Variants in TTC7A observed in about 807,000 individuals in gnomAD.
TTC7A encodes tetratricopeptide repeat protein 7A.
In TTC7A, 110 loss-of-function variants were observed where a neutral mutation model predicts 103.7. That is an observed-to-expected ratio of 1.06 (90% CI 0.91 to 1.24). TTC7A has a LOEUF of 1.24. Among genes scored for constraint, TTC7A ranks in the 50% most tolerant of loss-of-function variants. TTC7A has a pLI of 0.00. For synonymous variants in TTC7A, 521 were observed against 467.9 expected, an observed-to-expected ratio of 1.11 and a Z score of -1.47; for missense variants, 1,340 against 1,116.3, an observed-to-expected ratio of 1.20 and a Z score of -2.86.
At chr2:47,057,135 TCTG>T (rs1181502580) in intron 18 of TTC7A, among the ~76,000 whole-genome samples, 4 of 152,172 alleles carry the variant, frequency 2.6e-5, no homozygotes, top group Non-Finnish European at 1.5e-5. Flanking sequence ...GCCGAAGGCA[TCTG>T]CTCAGGGACA....
At chr2:46,989,632 T>C (rs75829103) in intron 5 of TTC7A, among the ~76,000 whole-genome samples, 11 of 149,860 alleles carry the variant, frequency 7.3e-5, no homozygotes, top group African/African-American at 1.5e-4. Flanking sequence ...TTTTTTTTTT[T>C]TCTTGAAGGA....
chr2:46,939,001 ACT>A (rs1316632955), upstream of TTC7A, among the ~76,000 whole-genome samples: 4 of 140,614 alleles, frequency 2.8e-5, no homozygotes, highest in Admixed American at 1.5e-4. Flanking sequence ...ACAGAGCGAG[ACT>A]CTGTCTCAAA....
At position 47,060,824 on chromosome 2, in the gene TTC7A, G is replaced by A; in HGVS notation, c.2208G>A (p.Glu736=). 1 of 1,613,554 alleles carries A rather than the reference G, an allele frequency of 6.2e-7. No homozygotes were observed. Among genetic ancestry groups the A allele is most frequent in the Non-Finnish European group, 8.5e-7 (1 of 1,179,520 alleles). Residue 736 remains glutamate, a synonymous_variant, in exon 19 of 20, where the codon GAG becomes GAA. Transcript: ENST00000319190. ...AGGAAGCAGGTTTCTGCATCCAGGA[G>A]GCGGCGGGCCTCTTCCCCACTTCTC... ...HLKEAGFCIQ[E]AAGLFPTSHS...
rs776927180 is a variant in TTC7A at position 46,995,250 on chromosome 2, G to C, written c.1065+51G>C. On this transcript the variant is annotated intron_variant, in intron 8 of 19. Transcript: ENST00000319190. The stretch of plus-strand genomic sequence containing the variant: ...GCCTCTGGCCCTCTGACCCTGTGGG[G>C]AAGGGCTGTGGGGCCCAGGTACAGG... 8 of 1,596,672 alleles carry C rather than the reference G, an allele frequency of 5.0e-6. No homozygotes were observed. In the Admixed American group the frequency reaches 1.0e-4, roughly 20 times the overall value.
chr2:46,978,647 A>G, intron 4 of TTC7A, 145 bp from the exon 5 acceptor site: 1 of 573,726 alleles, frequency 1.7e-6, no homozygotes, highest in Non-Finnish European at 3.2e-6. Flanking sequence ...AGTTAAAGCG[A>G]GTTAGATCAA....
chr2:47,034,713 C>T (rs1346568458), intron 15 of TTC7A, among the ~76,000 whole-genome samples: 3 of 152,156 alleles, frequency 2.0e-5, no homozygotes, highest in Admixed American at 2.0e-4. Flanking sequence ...TTTCCCCTTC[C>T]CCTCTCCACA....
At chr2:46,994,091 GA>G in intron 6 of TTC7A, 1 of 458,568 alleles carries the variant, frequency 2.2e-6, no homozygotes, top group East Asian at 3.8e-5. Context: ...TCAGGAGAGG[GA>G]GGAAATGCTC....
chr2:46,978,989 T>A (rs982659436), intron 5 of TTC7A, 82 bp downstream of exon 5: 2 of 938,668 alleles, frequency 2.1e-6, no homozygotes, highest in Non-Finnish European at 3.4e-6. Context: ...CTGCTCTCCC[T>A]CTTCTCTGGC....
chr2:46,985,763 T>G (rs898041650), intron 5 of TTC7A, among the ~76,000 whole-genome samples: 2 of 152,246 alleles, frequency 1.3e-5, no homozygotes, highest in Non-Finnish European at 2.9e-5. Context: ...TAATACCACA[T>G]TGTCCCTTGG....
At chr2:46,954,400 G>T (rs1223746442) in intron 2 of TTC7A, among the ~76,000 whole-genome samples, 1 of 152,046 alleles carries the variant, frequency 6.6e-6, no homozygotes, top group African/African-American at 2.4e-5. Flanking sequence ...ACATTCAAAT[G>T]CATGGGCCCC....
chr2:46,963,445 G>A (rs773629523), intron 3 of TTC7A, among the ~76,000 whole-genome samples: 2 of 152,220 alleles, frequency 1.3e-5, no homozygotes, highest in South Asian at 2.1e-4. Flanking sequence ...CATTCCAGCC[G>A]GTAGTGCTGC....
At chr2:47,038,735 A>G (rs1681431584) in intron 15 of TTC7A, among the ~76,000 whole-genome samples, 1 of 144,354 alleles carries the variant, frequency 6.9e-6, no homozygotes, top group Admixed American at 7.3e-5. Context: ...GTGAGCACAC[A>G]TGGGACCAGT....
chr2:47,060,896 C>T lies in TTC7A; in HGVS notation c.2280C>T (p.Asn760=), dbSNP rs1463583999. ...GCCGGCTGGCTGAGGTGAAGGGCAACCTGGAGGAGGCCAAGCAGCTGTACA... is the reference window on the plus strand; with the variant it reads ...GCCGGCTGGCTGAGGTGAAGGGCAATCTGGAGGAGGCCAAGCAGCTGTACA... ...MRGRLAEVKG[N]LEEAKQLYKE... The change falls in exon 19 of 20, where the codon AAC becomes AAT. Residue 760 remains asparagine, a synonymous_variant. Transcript: ENST00000319190. The T allele has an allele frequency of 6.2e-7, 1 of 1,614,180 alleles. No individual in the cohort carries two copies. Among genetic ancestry groups the T allele is most frequent in the Non-Finnish European group, 8.5e-7 (1 of 1,180,030 alleles).
chr2:47,059,009 C>CTTTTTTTTTTTTTTTT (rs35753980), intron 18 of TTC7A, among the ~76,000 whole-genome samples: 4 of 44,718 alleles, frequency 8.9e-5, no homozygotes, highest in African/African-American at 4.8e-4. Flanking sequence ...CCTAAGCCTG[C>CTTTTTTTTTTTTTTTT]TTTTTTTTTT....
At chr2:46,956,568 G>C (rs892120183) in intron 2 of TTC7A, 1 of 447,008 alleles carries the variant, frequency 2.2e-6, no homozygotes, top group Non-Finnish European at 4.1e-6. Flanking sequence ...AGTCTGCAAG[G>C]TCTCTGGAGT....
intron 19 of TTC7A, among the ~76,000 whole-genome samples, chr2:47,071,937 G>C (rs144686137): frequency 5.9e-5 from 9 of 152,366 alleles, no homozygotes; most frequent in African/African-American, 2.2e-4. Context: ...GGCCTTGCCG[G>C]CCTTTCCCTT....
chr2:46,995,092 G>A, intron 7 of TTC7A, 44 bp from the exon 8 acceptor site: 2 of 1,601,020 alleles, frequency 1.2e-6, no homozygotes, highest in Non-Finnish European at 1.7e-6. Flanking sequence ...GTGCTGTCTG[G>A]TGAGGTGTGT....
intron 15 of TTC7A, among the ~76,000 whole-genome samples, chr2:47,031,256 T>C (rs1347340278): frequency 6.6e-6 from 1 of 152,228 alleles, no homozygotes; most frequent in Non-Finnish European, 1.5e-5. Context: ...AGGGATTAGT[T>C]GCCTTGTCTT....
chr2:47,045,629 G>C (rs1407247599), intron 15 of TTC7A: 1 of 152,280 alleles, frequency 6.6e-6, no homozygotes, highest in African/African-American at 2.4e-5. Flanking sequence ...TAATCCTATG[G>C]ATTATATAAG....
Sources: allele counts gnomAD v4.1 joint callset (sites outside exome capture counted in the v4.1 genomes callset), GRCh38; gene constraint gnomAD v4.1.1; transcripts MANE v1.5; gene names NCBI Gene and HGNC (gene_info 2026-07-23, HGNC 2026-07-21).